Variants in POU6F2 observed in about 807,000 individuals in gnomAD.
POU6F2 encodes POU class 6 homeobox 2, also known as POU domain, class 6, transcription factor 2.
POU6F2 carries 31 observed loss-of-function variants against 71.3 expected under a neutral mutation model. The ratio of observed to expected loss-of-function variants is 0.43; its 90% CI spans 0.33 to 0.59. The LOEUF (loss-of-function observed/expected upper bound fraction) is 0.59. POU6F2 is among the 20% of genes least tolerant of loss of function. The pLI, the probability that POU6F2 is intolerant of heterozygous loss-of-function variation, is 0.04. For synonymous variants in POU6F2, 347 were observed against 355.7 expected, an observed-to-expected ratio of 0.98 and a Z score of 0.27; for missense variants, 783 against 856.8, an observed-to-expected ratio of 0.91 and a Z score of 1.07.
At chr7:39,163,738 C>A (rs539147370) in intron 2 of POU6F2, among the ~76,000 whole-genome samples, 25 of 152,144 alleles carry the variant, frequency 1.6e-4, no homozygotes, top group Admixed American at 9.8e-4. Context: ...GCACTATTTA[C>A]AATAGATCAG....
chr7:39,004,466 C>A lies in POU6F2; in HGVS notation c.105+26408C>A, dbSNP rs531355295. On this transcript the variant is annotated intron_variant, in intron 1 of 9. Transcript: ENST00000518318. ...GAGAATTTGTTCCACTAAATTGGTG[C>A]CTCTGTTAAGCTCCAGGACAAGCCC... Among the ~76,000 whole-genome samples, 4 of 152,262 alleles carry A rather than the reference C, an allele frequency of 2.6e-5. 1 individual carries two copies. In the South Asian group the frequency reaches 8.3e-4, roughly 32 times the overall value.
intron 4 of POU6F2, among the ~76,000 whole-genome samples, chr7:39,292,449 A>G (rs1246526874): frequency 6.6e-6 from 1 of 152,364 alleles, no homozygotes; most frequent in East Asian, 1.9e-4. Context: ...AGCACTAAAC[A>G]GTTTGTGCTC....
intron 5 of POU6F2, among the ~76,000 whole-genome samples, chr7:39,349,101 G>C (rs951065019): frequency 6.6e-6 from 1 of 152,160 alleles, no homozygotes; most frequent in African/African-American, 2.4e-5. Context: ...CACAGACTAG[G>C]TCCAATAGGC....
At chr7:39,434,854 A>G (rs924585786) in intron 7 of POU6F2, among the ~76,000 whole-genome samples, 2 of 150,980 alleles carry the variant, frequency 1.3e-5, no homozygotes, top group Non-Finnish European at 3.0e-5. Flanking sequence ...TCAATGTTCA[A>G]CTCCCCGTTA....
At chr7:39,359,521 A>G (rs1311207467) in intron 5 of POU6F2, among the ~76,000 whole-genome samples, 1 of 152,206 alleles carries the variant, frequency 6.6e-6, no homozygotes, top group Admixed American at 6.5e-5. Context: ...TTCCTAATTT[A>G]TGGAAATAGG....
At chr7:39,266,347 A>G (rs1012768899) in intron 4 of POU6F2, among the ~76,000 whole-genome samples, 3 of 152,180 alleles carry the variant, frequency 2.0e-5, no homozygotes, top group Non-Finnish European at 2.9e-5. Context: ...TTGCACCACA[A>G]GGATGTGGTA....
chr7:39,294,071 C>T (rs746494363), intron 4 of POU6F2, among the ~76,000 whole-genome samples: 28 of 151,850 alleles, frequency 1.8e-4, no homozygotes, highest in Non-Finnish European at 7.4e-5. Flanking sequence ...AAACTAATAA[C>T]CAGTTAAGTT....
chr7:39,119,038 C>T (rs1791988731), intron 2 of POU6F2, among the ~76,000 whole-genome samples: 1 of 152,202 alleles, frequency 6.6e-6, no homozygotes, highest in Admixed American at 6.5e-5. Flanking sequence ...TGTACTGCTT[C>T]TTGGGAAGCT....
At chr7:39,364,159 C>T (rs1786449738) in intron 5 of POU6F2, among the ~76,000 whole-genome samples, 2 of 152,014 alleles carry the variant, frequency 1.3e-5, no homozygotes, top group African/African-American at 4.8e-5. Flanking sequence ...AGCAGCTCAG[C>T]ATTGTCATCC....
intron 8 of POU6F2, among the ~76,000 whole-genome samples, chr7:39,453,092 CA>C (rs1484426070): frequency 6.6e-6 from 1 of 151,790 alleles, no homozygotes; most frequent in Non-Finnish European, 1.5e-5. Context: ...AACTCCATCT[CA>C]AAAAAAGAAA....
intron 6 of POU6F2, 88 bp downstream of exon 6, chr7:39,406,828 T>G: frequency 6.7e-7 from 1 of 1,490,558 alleles, no homozygotes; most frequent in South Asian, 1.1e-5. Context: ...CAGTGATATG[T>G]AACCGCATCT....
chr7:39,447,768 C>A (rs1788559524), intron 7 of POU6F2, among the ~76,000 whole-genome samples: 1 of 152,146 alleles, frequency 6.6e-6, no homozygotes, highest in Non-Finnish European at 1.5e-5. Context: ...TAACTCCCTG[C>A]ATTTTCTTTT....
intron 4 of POU6F2, among the ~76,000 whole-genome samples, chr7:39,264,773 T>C (rs779843934): frequency 2.0e-5 from 3 of 152,182 alleles, no homozygotes; most frequent in Non-Finnish European, 4.4e-5. Flanking sequence ...AATATATGCA[T>C]ATATACATAC....
chr7:38,997,117 T>C (rs1443413131), intron 1 of POU6F2, among the ~76,000 whole-genome samples: 1 of 151,844 alleles, frequency 6.6e-6, no homozygotes, highest in African/African-American at 2.4e-5. Flanking sequence ...GGGCTCTCAC[T>C]GAAACTGGGA....
At chr7:39,105,879 G>A (rs1363513805) in intron 2 of POU6F2, among the ~76,000 whole-genome samples, 1 of 152,200 alleles carries the variant, frequency 6.6e-6, no homozygotes, top group African/African-American at 2.4e-5. Context: ...TACATGGAAA[G>A]CCAAGATGGA....
chr7:39,438,651 A>T (rs1158241252), intron 7 of POU6F2, among the ~76,000 whole-genome samples: 3 of 152,226 alleles, frequency 2.0e-5, no homozygotes, highest in African/African-American at 7.2e-5. Flanking sequence ...CAGTGTGGTG[A>T]TTCCTCAAGG....
chr7:39,214,790 T>A (rs912651171), intron 4 of POU6F2, among the ~76,000 whole-genome samples: 2 of 152,186 alleles, frequency 1.3e-5, no homozygotes, highest in Non-Finnish European at 2.9e-5. Context: ...CTACAGGTTC[T>A]ATCAATAGCT....
chr7:39,072,104 A>G (rs2128718288), intron 1 of POU6F2, among the ~76,000 whole-genome samples: 1 of 152,270 alleles, frequency 6.6e-6, no homozygotes, highest in South Asian at 2.1e-4. Flanking sequence ...GAGGTATGAG[A>G]GAAAGTAGGA....
At chr7:39,006,619 A>C (rs1425994771) in intron 1 of POU6F2, 1 of 519,958 alleles carries the variant, frequency 1.9e-6, no homozygotes, top group Non-Finnish European at 3.4e-6. Context: ...TCCACGGAAG[A>C]TCTGTGGCTA....
Sources: allele counts gnomAD v4.1 joint callset (sites outside exome capture counted in the v4.1 genomes callset), GRCh38; gene constraint gnomAD v4.1.1; transcripts MANE v1.5; gene names NCBI Gene and HGNC (gene_info 2026-07-23, HGNC 2026-07-21).